Variants in PCDHGA3 observed in about 807,000 individuals in gnomAD.
PCDHGA3 encodes the protein protocadherin gamma-A3.
Under a neutral mutation model 58.5 loss-of-function variants are expected in PCDHGA3, and 40 were observed. The observed-to-expected ratio is 0.68, with a 90% CI of 0.53 to 0.89. The LOEUF (loss-of-function observed/expected upper bound fraction) is 0.89. PCDHGA3 is among the 40% of genes least tolerant of loss of function. PCDHGA3 has a pLI of 0.00. For synonymous variants in PCDHGA3, 530 were observed against 525.7 expected (o/e 1.01, Z -0.11); for missense variants, 1,223 against 1,195.9 (o/e 1.02, Z -0.33).
chr5:141,409,648 G>A, intron 1 of PCDHGA3: 2 of 1,613,692 alleles, frequency 1.2e-6, no homozygotes, highest in East Asian at 4.5e-5. Context: ...CGGATTTGGG[G>A]CTCAATGGCC....
At chr5:141,371,044 G>C in intron 1 of PCDHGA3, 1 of 1,613,964 alleles carries the variant, frequency 6.2e-7, no homozygotes, top group Admixed American at 1.7e-5. Context: ...GCTGTGGATG[G>C]GGGCGAGCCC....
In PCDHGA3 at chr5:141,344,082, T is replaced by G. The variant is rs762082229; in HGVS notation, c.49T>G (p.Cys17Gly). Residue 17 changes from cysteine to glycine, a missense_variant, in exon 1 of 4, where the codon TGC becomes GGC. By Grantham distance (159) the Cys-to-Gly change is radical. Around this residue, in one of 3 missense-constraint regions of PCDHGA3, gnomAD observed 791 missense variants for 708.5 expected, o/e 1.12. Coordinates refer to ENST00000253812, the MANE Select transcript of PCDHGA3 (RefSeq NM_018916.4). ...FRNGRGLALL[C>G]ALLGTLCETG... is the part of the protein sequence containing the mutation. ...AAATGGCAGAGGACTGGCCCTGCTGTGCGCGCTCCTGGGGACGCTGTGCGA... is the reference window on the plus strand; with the variant it reads ...AAATGGCAGAGGACTGGCCCTGCTGGGCGCGCTCCTGGGGACGCTGTGCGA... 2 of 1,611,254 alleles carry G rather than the reference T, an allele frequency of 1.2e-6. No homozygotes were observed. Among genetic ancestry groups the G allele is most frequent in the Admixed American group, 1.7e-5 (1 of 59,700 alleles).
rs766431596 is a variant in PCDHGA3 at position 141,422,883 on chromosome 5, C to T, written c.2425-71924C>T. The T allele has an allele frequency of 3.7e-6, 6 of 1,614,124 alleles. No homozygotes were observed. The African/African-American group carries it at 4.0e-5, about 11-fold the overall frequency. Reference sequence around the variant, plus strand: ...GCAGCAACGTGTCGCTGAGCCTGTTCGTGCTGGACCAGAACGACAATGCGC... The same window carrying T: ...GCAGCAACGTGTCGCTGAGCCTGTTTGTGCTGGACCAGAACGACAATGCGC... On this transcript the variant is annotated intron_variant, in intron 1 of 3. Transcript: ENST00000253812.
chr5:141,360,478 A>C, intron 1 of PCDHGA3: 1 of 1,613,910 alleles, frequency 6.2e-7, no homozygotes, highest in Non-Finnish European at 8.5e-7. Context: ...AAATCCACTA[A>C]ATATTTTCTA....
chr5:141,389,610 G>C, intron 1 of PCDHGA3: 1 of 1,613,118 alleles, frequency 6.2e-7, no homozygotes, highest in Non-Finnish European at 8.5e-7. Flanking sequence ...CTTCGATATG[G>C]TGCCGCACGC....
intron 1 of PCDHGA3, chr5:141,360,011 A>T: frequency 2.0e-5 from 25 of 1,240,972 alleles, no homozygotes; most frequent in Non-Finnish European, 2.7e-5. Context: ...AACCAACCAC[A>T]CAGAGAAGGC....
chr5:141,498,103 G>C (rs2099781622), intron 2 of PCDHGA3, among the ~76,000 whole-genome samples: 1 of 152,216 alleles, frequency 6.6e-6, no homozygotes. Context: ...GGTGGTGTGG[G>C]CGTATAATAG....
At chr5:141,445,524 TA>T (rs1180348783) in intron 1 of PCDHGA3, among the ~76,000 whole-genome samples, 1 of 152,192 alleles carries the variant, frequency 6.6e-6, no homozygotes, top group Admixed American at 6.5e-5. Flanking sequence ...ACAGGTCTGA[TA>T]AAAGCCAACA....
chr5:141,357,958 G>A (rs1332570049), intron 1 of PCDHGA3, among the ~76,000 whole-genome samples: 1 of 152,198 alleles, frequency 6.6e-6, no homozygotes, highest in African/African-American at 2.4e-5. Flanking sequence ...GGGAGTGTGA[G>A]GAGGACGGAT....
chr5:141,354,050 G>A lies in PCDHGA3; in HGVS notation c.2424+7593G>A, dbSNP rs183726749. On this transcript the variant is annotated intron_variant, in intron 1 of 3. Transcript: ENST00000253812. Reference sequence around the variant, plus strand: ...GAAAGAAAGCGATGGCACATGCAATGATAATCCATGTTCGGCTACCAAAAC... The same window carrying A: ...GAAAGAAAGCGATGGCACATGCAATAATAATCCATGTTCGGCTACCAAAAC... 1.9e-3 allele frequency among the ~76,000 whole-genome samples: 287 copies of A among 152,336 alleles called. 2 individuals carry two copies. Among genetic ancestry groups the A allele is most frequent in the South Asian group, 2.3e-3 (11 of 4,832 alleles).
Position 141,432,477 on chromosome 5 carries a change from C to G in PCDHGA3, c.2425-62330C>G. On this transcript the variant is annotated intron_variant, in intron 1 of 3. Coordinates refer to ENST00000253812, the MANE Select transcript of PCDHGA3 (RefSeq NM_018916.4). This position sits in a 1 kb window ranked among gnomAD's most constrained non-coding sequence, Gnocchi z 6.0. ...CCCGCCCTCCCCACGGACGGTTCCA[C>G]TGGCGTGGAGCTGGCTCCCCGCTCC... 3 of 1,614,212 alleles carry G rather than the reference C, an allele frequency of 1.9e-6. No homozygotes were observed. Among genetic ancestry groups the G allele is most frequent in the Non-Finnish European group, 1.7e-6 (2 of 1,180,044 alleles).
chr5:141,495,034 A>C (rs986393420), intron 2 of PCDHGA3, 169 bp downstream of exon 2: 1 of 962,702 alleles, frequency 1.0e-6, no homozygotes, highest in Non-Finnish European at 1.2e-6. Context: ...CCCCGGAAGG[A>C]AGAGGCGACT....
At chr5:141,442,452 CA>C (rs2098325918) in intron 1 of PCDHGA3, 1 of 152,226 alleles carries the variant, frequency 6.6e-6, no homozygotes, top group Admixed American at 6.5e-5. Flanking sequence ...GACTCAATAG[CA>C]GTTTCACTGC....
intron 1 of PCDHGA3, chr5:141,372,072 C>G: frequency 1.2e-6 from 2 of 1,613,664 alleles, no homozygotes; most frequent in Non-Finnish European, 1.7e-6. Context: ...CGACAATGCA[C>G]CGCTGGTGCT....
intron 1 of PCDHGA3, chr5:141,371,069 C>T (rs1417206970): frequency 3.1e-6 from 5 of 1,613,908 alleles, no homozygotes; most frequent in South Asian, 1.1e-5. Context: ...GAAGCTGTAC[C>T]ACCCAGATCA....
chr5:141,469,517 G>A (rs1416478511), intron 1 of PCDHGA3, among the ~76,000 whole-genome samples: 1 of 152,198 alleles, frequency 6.6e-6, no homozygotes, highest in Non-Finnish European at 1.5e-5. Flanking sequence ...GGAGGTTGCA[G>A]TGAGCCAAGA....
chr5:141,430,750 G>A (rs746434313), intron 1 of PCDHGA3: 2 of 1,500,586 alleles, frequency 1.3e-6, no homozygotes, highest in Non-Finnish European at 1.8e-6. Context: ...AATTCTGGAG[G>A]AAGATAAGAA....
At chr5:141,409,423 T>C in intron 1 of PCDHGA3, 1 of 1,614,026 alleles carries the variant, frequency 6.2e-7, no homozygotes. Flanking sequence ...TGGTGACAGA[T>C]GGAGCCCTGG....
chr5:141,431,189 G>A lies in PCDHGA3; in HGVS notation c.2425-63618G>A. 2 of 1,614,208 alleles carry A rather than the reference G, an allele frequency of 1.2e-6. No homozygotes were observed. The highest frequency in any genetic ancestry group is 1.7e-6 in the Non-Finnish European group (2 of 1,180,036). On this transcript the variant is annotated intron_variant, in intron 1 of 3. Transcript: ENST00000253812. This position sits in a 1 kb window ranked among gnomAD's most constrained non-coding sequence, Gnocchi z 4.8. ...AAGTGAATTAGAAATAAAAATTAGT[G>A]AAAATGCAGCCACTGAGATGCGGTT...
Sources: gnomAD v4.1 joint callset for allele counts (sites outside exome capture counted in the v4.1 genomes callset) on GRCh38, gnomAD v4.1.1 for gene constraint, gnomAD v4.1.1 regional missense constraint, Gnocchi (gnomAD v3.1) non-coding constraint, MANE v1.5 for transcripts, NCBI Gene and HGNC (gene_info 2026-07-23, HGNC 2026-07-21) for gene names.